The following NFILZ variants were observed in gnomAD, a reference collection of about 807,000 sequenced individuals.
The protein encoded by NFILZ is NFIL3 like protein.
intron 3 of NFILZ, among the ~76,000 whole-genome samples, chr19:8,643,292 T>G (rs2042926607): frequency 6.6e-6 from 1 of 152,196 alleles, no homozygotes; most frequent in Non-Finnish European, 1.5e-5. Context: ...TGTTTTCACT[T>G]CTCAAAAGAA....
In NFILZ at chr19:8,679,668, C is replaced by T. The variant is rs1385810140; in HGVS notation, c.*2033C>T. The stretch of plus-strand genomic sequence containing the variant: ...GTAGGACCTCCTCTACTTGCTCAGC[C>T]TTTGGTTCTGGTCCAGGGCAGGGAT... On this transcript the variant is annotated 3_prime_UTR_variant, in exon 6 of 6. Coordinates refer to ENST00000691075, the MANE Select transcript of NFILZ (RefSeq NM_001378600.1). Among the ~76,000 whole-genome samples, 1 of 152,112 alleles carries T rather than the reference C, an allele frequency of 6.6e-6. No individual in the cohort carries two copies. The highest frequency in any genetic ancestry group is 6.5e-5 in the Admixed American group (1 of 15,274).
Position 8,662,779 on chromosome 19 carries a change from G to A in NFILZ, c.-163-11772G>A, listed in dbSNP as rs186690385. ...AGCCTCCTGAGTAGCTGGGATTACA[G>A]GCACCCGCCACCATGCCCAGCTAAT... On this transcript the variant is annotated intron_variant, in intron 3 of 5. Coordinates refer to ENST00000691075, the MANE Select transcript of NFILZ (RefSeq NM_001378600.1). Among the ~76,000 whole-genome samples, 533 of 151,828 alleles carry A rather than the reference G, an allele frequency of 3.5e-3. 4 individuals carry two copies. The highest frequency in any genetic ancestry group is 6.4e-3 in the Non-Finnish European group (434 of 67,942).
At chr19:8,673,288 T>C (rs543873552) in intron 3 of NFILZ, among the ~76,000 whole-genome samples, 1 of 152,162 alleles carries the variant, frequency 6.6e-6, no homozygotes, top group Non-Finnish European at 1.5e-5. Context: ...ACAGAGGGTA[T>C]GGTAGCCCTA....
At chr19:8,645,828 A>T (rs10409312) in intron 3 of NFILZ, among the ~76,000 whole-genome samples, 1 of 152,072 alleles carries the variant, frequency 6.6e-6, no homozygotes, top group Non-Finnish European at 1.5e-5. Flanking sequence ...GGTCTGGTGG[A>T]TGCCTGGATC....
At chr19:8,666,147 A>G (rs2043060999) in intron 3 of NFILZ, among the ~76,000 whole-genome samples, 1 of 152,064 alleles carries the variant, frequency 6.6e-6, no homozygotes, top group Non-Finnish European at 1.5e-5. Flanking sequence ...GGGCTCAAAA[A>G]AGAGGGTTGG....
chr19:8,656,456 TTCTCTCTGAAGCCCAC>T (rs2043001474), intron 3 of NFILZ, among the ~76,000 whole-genome samples: 5 of 76,858 alleles, frequency 6.5e-5, no homozygotes, highest in East Asian at 5.1e-4. Context: ...GAAGCCCACC[TTCTCTCTGAAGCCCAC>T]CTTCTCCCGC....
chr19:8,653,122 C>T (rs1156633133), intron 3 of NFILZ, among the ~76,000 whole-genome samples: 1 of 149,532 alleles, frequency 6.7e-6, no homozygotes, highest in Non-Finnish European at 1.5e-5. Context: ...GCTCTTGTTG[C>T]CCAGGCTGGA....
chr19:8,669,727 G>A (rs149103323), intron 3 of NFILZ, among the ~76,000 whole-genome samples: 148 of 152,288 alleles, frequency 9.7e-4, no homozygotes, highest in Non-Finnish European at 1.7e-3. Context: ...CTGGCTGTGC[G>A]ACCTCAGGCA....
At chr19:8,654,991 C>A (rs1033058414) in intron 3 of NFILZ, among the ~76,000 whole-genome samples, 4 of 152,206 alleles carry the variant, frequency 2.6e-5, no homozygotes, top group Admixed American at 6.5e-5. Flanking sequence ...AGGTTCCTGC[C>A]GACTCTTACC....
At chr19:8,669,472 G>C (rs2146170066) in intron 3 of NFILZ, among the ~76,000 whole-genome samples, 1 of 148,030 alleles carries the variant, frequency 6.8e-6, no homozygotes, top group Middle Eastern at 3.4e-3. Context: ...AGTTAAAGCA[G>C]GTGTTCTTAA....
chr19:8,655,387 T>C lies in NFILZ; in HGVS notation c.-163-19164T>C, dbSNP rs1350042253. ...GGACAAGCAGGTCTTCCTCCCCCTG[T>C]ACCCTCCTGGTGGGGCTGTTTACTC... On this transcript the variant is annotated intron_variant, in intron 3 of 5. Coordinates refer to ENST00000691075, the MANE Select transcript of NFILZ (RefSeq NM_001378600.1). Among the ~76,000 whole-genome samples, 3 of 152,294 alleles carry C rather than the reference T, an allele frequency of 2.0e-5. No individual in the cohort carries two copies. In the East Asian group the frequency reaches 5.8e-4, roughly 29 times the overall value.
chr19:8,673,902 G>A (rs533882913), intron 3 of NFILZ, among the ~76,000 whole-genome samples: 63 of 152,222 alleles, frequency 4.1e-4, no homozygotes, highest in African/African-American at 1.1e-3. Context: ...GTGCAGTGGC[G>A]CAATCTTGGC....
In NFILZ at chr19:8,640,138, C is replaced by T. The variant is rs368805767; in HGVS notation, c.-164+4392C>T. On this transcript the variant is annotated intron_variant, in intron 3 of 5. Coordinates refer to ENST00000691075, the MANE Select transcript of NFILZ (RefSeq NM_001378600.1). ...TTGCGTCTTGGCCTGAGTTCCTGCC[C>T]GCTGAACTCTTGCCCTCACCCACCT... Among the ~76,000 whole-genome samples the T allele has an allele frequency of 3.0e-4, 45 of 152,110 alleles. No individual in the cohort carries two copies. The East Asian group carries it at 7.5e-3, about 26-fold the overall frequency.
chr19:8,647,587 C>CCCA lies in NFILZ; in HGVS notation c.-164+11841_-164+11842insCCA, dbSNP rs76371857. Among the ~76,000 whole-genome samples, 75 of 146,768 alleles carry CCCA rather than the reference C, an allele frequency of 5.1e-4. No individual in the cohort carries two copies. In the East Asian group the frequency reaches 5.3e-3, roughly 10 times the overall value. ...CATTCTGTCCCCGCACCCCCCCCCC[C>CCCA]AAAAAAAGGGAACGAGATCATGTCC... On this transcript the variant is annotated intron_variant, in intron 3 of 5. Transcript: ENST00000691075.
intron 3 of NFILZ, among the ~76,000 whole-genome samples, chr19:8,667,514 T>A (rs1222914749): frequency 2.0e-5 from 3 of 152,194 alleles, no homozygotes; most frequent in African/African-American, 7.2e-5. Flanking sequence ...TATTTGCATA[T>A]AACCTATGCA....
At position 8,633,021 on chromosome 19, in the gene NFILZ, C is replaced by CTTTTTTT. The variant is rs140247462; in HGVS notation, c.-261+407_-261+413dup. ...TACAGGCATGAACCACTGCACCTGC[C>CTTTTTTT]TTTTTTTTTTTTTTTTTGAGACAGA... On this transcript the variant is annotated intron_variant, in intron 2 of 5. Coordinates refer to ENST00000691075, the MANE Select transcript of NFILZ (RefSeq NM_001378600.1). Among the ~76,000 whole-genome samples, 22 of 118,460 alleles carry CTTTTTTT rather than the reference C, an allele frequency of 1.9e-4. 2 individuals are homozygous for CTTTTTTT. The highest frequency in any genetic ancestry group is 5.9e-4 in the African/African-American group (17 of 29,004). The allele number at this position is 118,460 out of a possible 152,430, so 77.7% of individuals were successfully genotyped here.
intron 3 of NFILZ, among the ~76,000 whole-genome samples, chr19:8,636,920 G>A (rs1316041291): frequency 1.3e-5 from 2 of 152,138 alleles, no homozygotes; most frequent in Non-Finnish European, 2.9e-5. Context: ...TGGAGAGACA[G>A]GACACTGGTC....
At chr19:8,647,367 T>C (rs1275010789) in intron 3 of NFILZ, among the ~76,000 whole-genome samples, 1 of 151,664 alleles carries the variant, frequency 6.6e-6, no homozygotes, top group Non-Finnish European at 1.5e-5. Flanking sequence ...AGGTCAGGGG[T>C]TTAAGACTAG....
In NFILZ at chr19:8,679,166, C is replaced by T. The variant is rs894061068; in HGVS notation, c.*1531C>T. The stretch of plus-strand genomic sequence containing the variant: ...CCCTGAGAACCAGGTATACACCCAC[C>T]CAGGTGGAAGGGTCCATTCTGCAGG... On this transcript the variant is annotated 3_prime_UTR_variant, in exon 6 of 6. Transcript: ENST00000691075. 3.3e-5 allele frequency among the ~76,000 whole-genome samples: 5 copies of T among 152,076 alleles called. No homozygotes were observed. The highest frequency in any genetic ancestry group is 7.4e-5 in the Non-Finnish European group (5 of 68,024).
Sources: allele counts gnomAD v4.1 joint callset (sites outside exome capture counted in the v4.1 genomes callset), GRCh38; gene constraint gnomAD v4.1.1; transcripts MANE v1.5; gene names NCBI Gene and HGNC (gene_info 2026-07-23, HGNC 2026-07-21).